SUV39H2: variants seen among roughly 807,000 people sequenced by gnomAD.
SUV39H2 encodes the protein SUV39H2 histone lysine methyltransferase, also known as histone-lysine N-methyltransferase SUV39H2.
Under a neutral mutation model 47.5 loss-of-function variants are expected in SUV39H2, and 10 were observed. The ratio of observed to expected loss-of-function variants is 0.21; its 90% CI spans 0.13 to 0.36. SUV39H2 has a LOEUF of 0.36. Among genes scored for constraint, SUV39H2 ranks in the 10% least tolerant of loss-of-function variants. The pLI is 1.00. For missense variants in SUV39H2, 266 were observed against 487.4 expected (o/e 0.55, Z 4.28); for synonymous variants, 159 against 166.8 (o/e 0.95, Z 0.36).
rs542191145 is a variant in SUV39H2 at position 14,894,420 on chromosome 10, T to C, written c.178-2426T>C. 4.6e-4 allele frequency among the ~76,000 whole-genome samples: 22 copies of C among 47,822 alleles called. 3 individuals are homozygous for C. The highest frequency in any genetic ancestry group is 5.6e-4 in the Non-Finnish European group (18 of 31,866). 31.4% of individuals were successfully genotyped at this position (47,822 alleles called of 152,430 possible). A position where few individuals can be genotyped will look rare whatever the true frequency, so the allele number is the denominator to read the frequency against. On this transcript the variant is annotated intron_variant, in intron 2 of 5. Coordinates refer to ENST00000354919, the MANE Select transcript of SUV39H2 (RefSeq NM_001193424.2). The stretch of plus-strand genomic sequence containing the variant: ...TCTCGCTCTGTCGCCCAGGCTGGAG[T>C]GCAGTGGCGCGATCTCGACTCACTG...
rs1283074972 is a variant in SUV39H2 at position 14,895,437 on chromosome 10, A to G, written c.178-1409A>G. Reference sequence around the variant, plus strand: ...GTGATTCACCCACCTCTGCCTCCCAAAGTGCTGGGATTACAGGCGTGACCC... The same window carrying G: ...GTGATTCACCCACCTCTGCCTCCCAGAGTGCTGGGATTACAGGCGTGACCC... On this transcript the variant is annotated intron_variant, in intron 2 of 5. Transcript: ENST00000354919. 3.3e-5 allele frequency among the ~76,000 whole-genome samples: 5 copies of G among 152,176 alleles called. No homozygotes were observed. In the South Asian group the frequency reaches 8.3e-4, roughly 25 times the overall value.
intron 4 of SUV39H2, among the ~76,000 whole-genome samples, chr10:14,900,906 G>A (rs1341964367): frequency 1.3e-5 from 2 of 152,140 alleles, no homozygotes; most frequent in South Asian, 2.1e-4. Flanking sequence ...GCTGTATAGT[G>A]GATACATAGG....
chr10:14,895,339 GC>G (rs1157152851), intron 2 of SUV39H2, among the ~76,000 whole-genome samples: 1 of 151,980 alleles, frequency 6.6e-6, no homozygotes, highest in Non-Finnish European at 1.5e-5. Flanking sequence ...ACCACACCCG[GC>G]TAATTTTTTG....
At position 14,881,254 on chromosome 10, in the gene SUV39H2, A is replaced by G. The variant is rs573138546; in HGVS notation, c.32-246A>G. The stretch of plus-strand genomic sequence containing the variant: ...AAACATTTTCAAGTGACTTAATGGA[A>G]ATTAACTGATGTCAGTTAAACGTAG... On this transcript the variant is annotated intron_variant, in intron 1 of 5. Coordinates refer to ENST00000354919, the MANE Select transcript of SUV39H2 (RefSeq NM_001193424.2). 3.3e-5 allele frequency among the ~76,000 whole-genome samples: 5 copies of G among 152,338 alleles called. No homozygotes were observed. In the East Asian group the frequency reaches 9.6e-4, roughly 29 times the overall value.
chr10:14,899,257 A>AGT, intron 3 of SUV39H2: 1 of 702,122 alleles, frequency 1.4e-6, no homozygotes, highest in South Asian at 1.5e-5. Context: ...GAGTTAAAGG[A>AGT]TACAGGGAGT....
chr10:14,882,864 G>GTT (rs869065558), intron 2 of SUV39H2, among the ~76,000 whole-genome samples: 340 of 137,044 alleles, frequency 2.5e-3, no homozygotes, highest in African/African-American at 8.2e-3. Flanking sequence ...CCCTATAGGA[G>GTT]TTTTTTTTTT....
chr10:14,896,228 C>T (rs1425958946), intron 2 of SUV39H2, among the ~76,000 whole-genome samples: 1 of 152,216 alleles, frequency 6.6e-6, no homozygotes, highest in Non-Finnish European at 1.5e-5. Context: ...CAGGCATGAG[C>T]CACCGTGCCC....
chr10:14,893,239 G>A (rs1410761370), intron 2 of SUV39H2, among the ~76,000 whole-genome samples: 3 of 151,614 alleles, frequency 2.0e-5, no homozygotes, highest in East Asian at 1.9e-4. Context: ...TCCTGACCTC[G>A]TGATCCGCCC....
intron 2 of SUV39H2, among the ~76,000 whole-genome samples, chr10:14,887,327 G>A (rs181501804): frequency 6.6e-6 from 1 of 152,284 alleles, no homozygotes; most frequent in African/African-American, 2.4e-5. Flanking sequence ...AAGGTGCCAG[G>A]TCTAGGAAAA....
intron 2 of SUV39H2, among the ~76,000 whole-genome samples, chr10:14,887,245 T>A (rs900147861): frequency 2.6e-5 from 4 of 151,504 alleles, no homozygotes; most frequent in East Asian, 1.9e-4. Flanking sequence ...TTTTGTTTTT[T>A]AAAAAAAAAT....
Position 14,897,128 on chromosome 10 carries a change from A to C in SUV39H2, c.460A>C (p.Ile154Leu), listed in dbSNP as rs755502338. The C allele has an allele frequency of 6.2e-7, 1 of 1,613,776 alleles. No homozygotes were observed. The highest frequency in any genetic ancestry group is 8.5e-7 in the Non-Finnish European group (1 of 1,179,928). The change falls in exon 3 of 6, where the codon ATA becomes CTA. Residue 154 changes from isoleucine to leucine, a missense_variant. Transcript: ENST00000354919. ...LNRRKNHKGMIFVENTVDLEG... is the reference protein window; with the variant it reads ...LNRRKNHKGMLFVENTVDLEG... ...CAGAAGAAAGAATCATAAAGGAATG[A>C]TATTTGTTGAAAATACTGTTGATTT... is the stretch of plus-strand genomic sequence containing the variant.
At chr10:14,879,191 C>G (rs994623980) in intron 1 of SUV39H2, 3 of 1,088,776 alleles carry the variant, frequency 2.8e-6, no homozygotes, top group Non-Finnish European at 3.4e-6. Flanking sequence ...CCGCTCGGCC[C>G]GGCCCCCTCC....
At chr10:14,891,151 A>G (rs1206254702) in intron 2 of SUV39H2, among the ~76,000 whole-genome samples, 2 of 152,196 alleles carry the variant, frequency 1.3e-5, no homozygotes, top group Non-Finnish European at 2.9e-5. Flanking sequence ...AAGAGGTGAT[A>G]TTTACACCGT....
rs1420453666 is a variant in SUV39H2 at position 14,901,272 on chromosome 10, T to C, written c.1126+10T>C. 10 of 1,613,444 alleles carry C rather than the reference T, an allele frequency of 6.2e-6. No individual in the cohort carries two copies. The highest frequency in any genetic ancestry group is 5.0e-5 in the Admixed American group (3 of 59,992). ...GATTATCAAATGAAAGGTATGCTTT[T>C]CAAGTACAGTTTCATTGGTGTCAGT... On this transcript the variant is annotated intron_variant, in intron 5 of 5. Transcript: ENST00000354919.
At chr10:14,888,328 GAGGT>G (rs1190049591) in intron 2 of SUV39H2, among the ~76,000 whole-genome samples, 2 of 152,134 alleles carry the variant, frequency 1.3e-5, no homozygotes, top group African/African-American at 4.8e-5. Context: ...ACTGGCAAGA[GAGGT>G]AGTCAGAAAA....
chr10:14,886,360 GT>G (rs1471910639), intron 2 of SUV39H2, among the ~76,000 whole-genome samples: 5 of 152,182 alleles, frequency 3.3e-5, no homozygotes, highest in Non-Finnish European at 7.3e-5. Context: ...GTTGATTTAT[GT>G]TCAGGATTTA....
chr10:14,881,100 A>G (rs1196194492), intron 1 of SUV39H2, among the ~76,000 whole-genome samples: 1 of 152,236 alleles, frequency 6.6e-6, no homozygotes, highest in Non-Finnish European at 1.5e-5. Context: ...GTTTTTAAGA[A>G]TAAGTGTCCT....
chr10:14,901,811 C>T lies in SUV39H2; in HGVS notation c.1126+549C>T, dbSNP rs114589868. 6.2e-3 allele frequency among the ~76,000 whole-genome samples: 937 copies of T among 151,116 alleles called. 14 individuals carry two copies. Among genetic ancestry groups the T allele is most frequent in the African/African-American group, 0.022 (895 of 41,198 alleles). ...TAGCACCACTGCACTCCAGCCTGGA[C>T]GACAGAGACCCTGTCTGAAAAAAAA... On this transcript the variant is annotated intron_variant, in intron 5 of 5. Transcript: ENST00000354919.
At chr10:14,881,731 AAAAG>A in intron 2 of SUV39H2, 86 bp downstream of exon 2, 2 of 1,188,032 alleles carry the variant, frequency 1.7e-6, no homozygotes, top group Non-Finnish European at 2.2e-6. Context: ...ACATTAAAAG[AAAAG>A]CTCTTCTTAA....
Sources: gnomAD v4.1 joint callset for allele counts (sites outside exome capture counted in the v4.1 genomes callset) on GRCh38, gnomAD v4.1.1 for gene constraint, MANE v1.5 for transcripts, NCBI Gene and HGNC (gene_info 2026-07-23, HGNC 2026-07-21) for gene names.